The following GRM7 variants were observed in gnomAD, a reference collection of about 807,000 sequenced individuals.
GRM7 encodes the protein metabotropic glutamate receptor 7.
GRM7 carries 35 observed loss-of-function variants against 84.5 expected under a neutral mutation model. That is an observed-to-expected ratio of 0.41 (90% CI 0.32 to 0.55). The LOEUF (loss-of-function observed/expected upper bound fraction) is 0.55, where lower values mean the gene tolerates loss of function less well. Ranked by LOEUF, GRM7 falls within the 20% of genes least tolerant of loss-of-function variation. The pLI is 0.19. For synonymous variants in GRM7, 487 were observed against 455.1 expected (o/e 1.07, Z -0.89); for missense variants, 1,003 against 1,194.6 (o/e 0.84, Z 2.36).
At chr3:6,918,255 A>G (rs1050450211) in intron 1 of GRM7, among the ~76,000 whole-genome samples, 4 of 152,186 alleles carry the variant, frequency 2.6e-5, no homozygotes, top group Non-Finnish European at 5.9e-5. Flanking sequence ...TTCAGGAGGG[A>G]ATACAGCAGG....
At chr3:7,111,524 C>T (rs1692850240) in intron 1 of GRM7, among the ~76,000 whole-genome samples, 1 of 152,124 alleles carries the variant, frequency 6.6e-6, no homozygotes, top group African/African-American at 2.4e-5. Context: ...CCATTTCTAG[C>T]ATGAGTCGTT....
At chr3:7,035,434 T>A (rs1696352150) in intron 1 of GRM7, among the ~76,000 whole-genome samples, 4 of 152,050 alleles carry the variant, frequency 2.6e-5, no homozygotes, top group African/African-American at 9.7e-5. Flanking sequence ...GCTATTTCAA[T>A]ACAGAAGGAG....
At chr3:7,310,309 G>A (rs1482598806) in intron 4 of GRM7, among the ~76,000 whole-genome samples, 4 of 152,300 alleles carry the variant, frequency 2.6e-5, no homozygotes, top group East Asian at 1.9e-4. Flanking sequence ...AATCTGCAAT[G>A]TATGTAGGAA....
intron 5 of GRM7, among the ~76,000 whole-genome samples, chr3:7,435,673 C>T (rs1444139027): frequency 4.6e-5 from 6 of 129,870 alleles, no homozygotes; most frequent in African/African-American, 1.1e-4. Flanking sequence ...CCACCACATC[C>T]GGCTAGTTTT....
chr3:6,980,233 G>A (rs1246752678), intron 1 of GRM7, among the ~76,000 whole-genome samples: 1 of 152,066 alleles, frequency 6.6e-6, no homozygotes, highest in African/African-American at 2.4e-5. Context: ...AGAGCATAAT[G>A]TTAATGATTA....
At chr3:7,473,142 A>G (rs1698769797) in intron 7 of GRM7, among the ~76,000 whole-genome samples, 1 of 152,062 alleles carries the variant, frequency 6.6e-6, no homozygotes, top group Non-Finnish European at 1.5e-5. Flanking sequence ...CTATTGATAA[A>G]ACAAAGTCAC....
At chr3:7,227,491 G>A (rs1445514545) in intron 2 of GRM7, among the ~76,000 whole-genome samples, 1 of 152,066 alleles carries the variant, frequency 6.6e-6, no homozygotes, top group East Asian at 1.9e-4. Context: ...TGTATCGCAT[G>A]CCTACTTTTT....
At position 7,460,868 on chromosome 3, in the gene GRM7, C is replaced by A. The variant is rs3804969; in HGVS notation, c.1376-715C>A. 5.4e-3 allele frequency among the ~76,000 whole-genome samples: 813 copies of A among 151,962 alleles called. 14 individuals are homozygous for A. The highest frequency in any genetic ancestry group is 0.048 in the South Asian group (230 of 4,818). ...ATACAGATATAGATATAGGTATATA[C>A]GCTTAATAAATATATTCGTTCTTTA... On this transcript the variant is annotated intron_variant, in intron 6 of 9. Coordinates refer to ENST00000357716, the MANE Select transcript of GRM7 (RefSeq NM_000844.4).
At chr3:7,485,136 T>C (rs553522023) in intron 7 of GRM7, among the ~76,000 whole-genome samples, 112 of 152,272 alleles carry the variant, frequency 7.4e-4, no homozygotes, top group African/African-American at 2.6e-3. Context: ...ACCTTGACTA[T>C]AACCATAAAA....
intron 2 of GRM7, among the ~76,000 whole-genome samples, chr3:7,247,524 A>G (rs1697812734): frequency 6.6e-6 from 1 of 151,400 alleles, no homozygotes; most frequent in Admixed American, 6.6e-5. Flanking sequence ...ACTTGAGCCC[A>G]GGAGTTTAAG....
intron 8 of GRM7, among the ~76,000 whole-genome samples, chr3:7,611,618 G>A (rs963863916): frequency 6.6e-6 from 1 of 152,136 alleles, no homozygotes; most frequent in Non-Finnish European, 1.5e-5. Flanking sequence ...AACTGGATAA[G>A]GAAACTGGAG....
intron 1 of GRM7, among the ~76,000 whole-genome samples, chr3:6,970,589 C>A (rs1252813321): frequency 6.6e-6 from 1 of 152,068 alleles, no homozygotes; most frequent in African/African-American, 2.4e-5. Flanking sequence ...GGAATTTGAG[C>A]GTAGCTGGAC....
intron 1 of GRM7, among the ~76,000 whole-genome samples, chr3:6,884,040 A>T (rs1035753110): frequency 1.3e-5 from 2 of 152,250 alleles, no homozygotes; most frequent in African/African-American, 4.8e-5. Flanking sequence ...CAGTGAGATG[A>T]CATTTAGTCC....
At chr3:6,987,454 A>G (rs2124846928) in intron 1 of GRM7, among the ~76,000 whole-genome samples, 1 of 152,276 alleles carries the variant, frequency 6.6e-6, no homozygotes, top group East Asian at 1.9e-4. Context: ...ACTGCTCTAA[A>G]CAAGGTGGTC....
intron 7 of GRM7, among the ~76,000 whole-genome samples, chr3:7,538,151 C>G (rs1692656979): frequency 6.6e-6 from 1 of 151,890 alleles, no homozygotes; most frequent in African/African-American, 2.4e-5. Flanking sequence ...GTTTTGTTGC[C>G]CAGGCTGGAG....
intron 1 of GRM7, among the ~76,000 whole-genome samples, chr3:6,992,358 T>A (rs1324453832): frequency 1.3e-5 from 2 of 152,188 alleles, no homozygotes; most frequent in Non-Finnish European, 2.9e-5. Flanking sequence ...AGAGATAATA[T>A]GCACATACGT....
At chr3:7,088,574 C>A (rs747745235) in intron 1 of GRM7, among the ~76,000 whole-genome samples, 1 of 149,592 alleles carries the variant, frequency 6.7e-6, no homozygotes, top group Non-Finnish European at 1.5e-5. Flanking sequence ...TCAGGAAACA[C>A]TTGGTTACAA....
intron 4 of GRM7, among the ~76,000 whole-genome samples, chr3:7,366,797 C>G (rs1247735481): frequency 6.6e-6 from 1 of 151,762 alleles, no homozygotes; most frequent in Non-Finnish European, 1.5e-5. Flanking sequence ...ACTCTACTCT[C>G]TTATCAGTTT....
intron 8 of GRM7, among the ~76,000 whole-genome samples, chr3:7,666,678 T>C (rs1192639791): frequency 1.3e-5 from 2 of 152,184 alleles, no homozygotes; most frequent in Non-Finnish European, 2.9e-5. Context: ...GTTAAACATA[T>C]CTGAGACAGG....
Sources: allele counts gnomAD v4.1 joint callset (sites outside exome capture counted in the v4.1 genomes callset), GRCh38; gene constraint gnomAD v4.1.1; transcripts MANE v1.5; gene names NCBI Gene and HGNC (gene_info 2026-07-23, HGNC 2026-07-21).